Variants in KLHL25 observed in about 807,000 individuals in gnomAD.
KLHL25 encodes the protein kelch-like protein 25.
In KLHL25, 41 loss-of-function variants were observed where a neutral mutation model predicts 30.0. That is an observed-to-expected ratio of 1.37 (90% CI 1.07 to 1.78). KLHL25 has a LOEUF of 1.78. Among genes scored for constraint, KLHL25 ranks in the 40% most tolerant of loss-of-function variants. The pLI is 0.00. For synonymous variants in KLHL25, 399 were observed against 355.3 expected, an observed-to-expected ratio of 1.12 and a Z score of -1.38; for missense variants, 971 against 824.5, an observed-to-expected ratio of 1.18 and a Z score of -2.18.
chr15:85,769,647 C>G lies in KLHL25; in HGVS notation c.164G>C (p.Arg55Pro). Reference protein sequence around the residue: ...FTDVTLWAGDRAFPCHRAVLA... With the variant: ...FTDVTLWAGDPAFPCHRAVLA... ...CACGGCACGGTGACAGGGGAAGGCA[C>G]GGTCGCCCGCCCAGAGTGTGACGTC... The change falls in exon 2 of 3, where the codon CGT becomes CCT. Residue 55 changes from arginine (R) to proline (P), a missense_variant. Coordinates refer to ENST00000337975, the MANE Select transcript of KLHL25 (RefSeq NM_022480.4). 1 of 1,613,500 alleles carries G rather than the reference C, an allele frequency of 6.2e-7. No individual in the cohort carries two copies. Among genetic ancestry groups the G allele is most frequent in the Non-Finnish European group, 8.5e-7 (1 of 1,180,032 alleles).
intron 2 of KLHL25, 83 bp from the exon 3 acceptor site, chr15:85,761,094 A>T (rs1385550611): frequency 6.6e-6 from 1 of 152,300 alleles, no homozygotes; most frequent in Non-Finnish European, 1.5e-5. Context: ...AATGACAATG[A>T]CACAGCTGCC....
chr15:85,769,662 A>T lies in KLHL25; in HGVS notation c.149T>A (p.Leu50His). ...RKHCMFTDVT[L>H]WAGDRAFPCH... Reference sequence around the variant, plus strand: ...GGGGAAGGCACGGTCGCCCGCCCAGAGTGTGACGTCGGTGAACATGCAGTG... The same window carrying T: ...GGGGAAGGCACGGTCGCCCGCCCAGTGTGTGACGTCGGTGAACATGCAGTG... The change falls in exon 2 of 3, where the codon CTC (leucine) becomes CAC (histidine). Residue 50 changes from leucine (L) to histidine (H), a missense_variant. Leu to His is a moderately conservative substitution (Grantham distance 99, BLOSUM62 -3). Transcript: ENST00000337975. 6.2e-7 allele frequency: 1 copy of T among 1,613,716 alleles called. No homozygotes were observed. Among genetic ancestry groups the T allele is most frequent in the Non-Finnish European group, 8.5e-7 (1 of 1,180,014 alleles).
At chr15:85,774,106 G>A (rs370069439) in intron 1 of KLHL25, among the ~76,000 whole-genome samples, 1 of 152,184 alleles carries the variant, frequency 6.6e-6, no homozygotes, top group Non-Finnish European at 1.5e-5. Context: ...CCAGCGGCGG[G>A]GGGTGGGGAG....
chr15:85,769,572 C>T lies in KLHL25; in HGVS notation c.239G>A (p.Arg80Gln), dbSNP rs140968151. ...GTTGACAGTGTCATCCCGGCTCTCC[C>T]GAAGGCCATGGCTGAACATGGCCTC... Reference protein sequence around the residue: ...YFEAMFSHGLRESRDDTVNFQ... With the variant: ...YFEAMFSHGLQESRDDTVNFQ... The change falls in exon 2 of 3, where the codon CGG becomes CAG. Residue 80 changes from arginine (R) to glutamine (Q), a missense_variant. Coordinates refer to ENST00000337975, the MANE Select transcript of KLHL25 (RefSeq NM_022480.4). 2.1e-5 allele frequency: 34 copies of T among 1,613,646 alleles called. No homozygotes were observed. Among genetic ancestry groups the T allele is most frequent in the Admixed American group, 3.3e-5 (2 of 60,006 alleles).
intron 2 of KLHL25, chr15:85,761,775 G>A (rs2089584896): frequency 6.6e-6 from 1 of 152,292 alleles, no homozygotes; most frequent in Non-Finnish European, 1.5e-5. Context: ...GAGTGTTCAT[G>A]CACTCCATAA....
rs760604471 is a variant in KLHL25 at position 85,769,563 on chromosome 15, C to G, written c.248G>C (p.Arg83Pro). Reference sequence around the variant, plus strand: ...GTCCTGGAAGTTGACAGTGTCATCCCGGCTCTCCCGAAGGCCATGGCTGAA... The same window carrying G: ...GTCCTGGAAGTTGACAGTGTCATCCGGGCTCTCCCGAAGGCCATGGCTGAA... ...AMFSHGLRESRDDTVNFQDNL... is the reference protein window; with the variant it reads ...AMFSHGLRESPDDTVNFQDNL... The change falls in exon 2 of 3, where the codon CGG becomes CCG. Residue 83 changes from arginine (R) to proline (P), a missense_variant. By Grantham distance (103) the Arg-to-Pro change is moderately radical. Transcript: ENST00000337975. 6.2e-6 allele frequency: 10 copies of G among 1,613,666 alleles called. No individual in the cohort carries two copies. Among genetic ancestry groups the G allele is most frequent in the Admixed American group, 1.7e-5 (1 of 60,010 alleles).
chr15:85,789,197 A>T lies in KLHL25; in HGVS notation c.-11+5569T>A, dbSNP rs373674146. Among the ~76,000 whole-genome samples, 2 of 152,282 alleles carry T rather than the reference A, an allele frequency of 1.3e-5. No individual in the cohort carries two copies. The highest frequency in any genetic ancestry group is 1.9e-4 in the East Asian group (1 of 5,190). ...CTCCTCACCACTCGGCTGATGGTGG[A>T]AGGCTCCTCCTGGCAGAGATGGGTG... On this transcript the variant is annotated intron_variant, in intron 1 of 2. Coordinates refer to ENST00000337975, the MANE Select transcript of KLHL25 (RefSeq NM_022480.4). This position sits in a 1 kb window ranked among gnomAD's most constrained non-coding sequence, Gnocchi z 4.1.
intron 1 of KLHL25, among the ~76,000 whole-genome samples, chr15:85,778,260 A>T (rs1160326838): frequency 6.6e-6 from 1 of 152,174 alleles, no homozygotes; most frequent in African/African-American, 2.4e-5. Flanking sequence ...GACACACAGC[A>T]CTTCTATTCA....
chr15:85,774,491 T>C (rs2089697170), intron 1 of KLHL25, among the ~76,000 whole-genome samples: 1 of 152,156 alleles, frequency 6.6e-6, no homozygotes, highest in Non-Finnish European at 1.5e-5. Context: ...GGTGAGACTT[T>C]CTGAAGAAAA....
rs148091320 is a variant in KLHL25 at position 85,769,536 on chromosome 15, T to C, written c.275A>G (p.Asn92Ser). The change falls in exon 2 of 3, where the codon AAC (asparagine) becomes AGC (serine). Residue 92 changes from asparagine (N) to serine (S), a missense_variant. Transcript: ENST00000337975. ...CAGCTCCAGCACCTCCGGGTGCAGG[T>C]TGTCCTGGAAGTTGACAGTGTCATC... ...SRDDTVNFQD[N>S]LHPEVLELLL... The C allele has an allele frequency of 6.1e-5, 98 of 1,613,782 alleles. No individual in the cohort carries two copies. In the African/African-American group the frequency reaches 6.9e-4, roughly 11 times the overall value.
At chr15:85,773,523 C>G (rs2089690445) in intron 1 of KLHL25, among the ~76,000 whole-genome samples, 1 of 152,242 alleles carries the variant, frequency 6.6e-6, no homozygotes, top group South Asian at 2.1e-4. Flanking sequence ...CGGGTGGCAT[C>G]CCGGGGTGGG....
intron 1 of KLHL25, among the ~76,000 whole-genome samples, chr15:85,787,194 C>T (rs948520080): frequency 4.3e-5 from 6 of 140,976 alleles, no homozygotes; most frequent in Non-Finnish European, 9.0e-5. Flanking sequence ...CGCCTGTAAT[C>T]CCAGAACTTT....
rs202206308 is a variant in KLHL25 at position 85,768,500 on chromosome 15, G to A, written c.1311C>T (p.Ala437=). ...VAPLRDGVSN[A]AVVSAKLKLF... ...GCTTCAGCTTGGCACTCACCACTGC[G>A]GCATTGCTGACGCCATCCCGCAAGG... The change falls in exon 2 of 3, where the codon GCC becomes GCT. Residue 437 remains alanine (A), a synonymous_variant. Coordinates refer to ENST00000337975, the MANE Select transcript of KLHL25 (RefSeq NM_022480.4). 82 of 1,613,732 alleles carry A rather than the reference G, an allele frequency of 5.1e-5. No individual in the cohort carries two copies. The highest frequency in any genetic ancestry group is 1.1e-4 in the East Asian group (5 of 44,874).
chr15:85,778,822 C>G (rs181707000), intron 1 of KLHL25, among the ~76,000 whole-genome samples: 6 of 152,312 alleles, frequency 3.9e-5, no homozygotes, highest in African/African-American at 1.4e-4. Context: ...CCTTCTCCAC[C>G]AGCTTCTGTG....
chr15:85,781,674 G>C (rs1328928781), intron 1 of KLHL25, among the ~76,000 whole-genome samples: 1 of 152,030 alleles, frequency 6.6e-6, no homozygotes, highest in African/African-American at 2.4e-5. Context: ...AGTAGAGACG[G>C]GGTTTCACCA....
intron 1 of KLHL25, among the ~76,000 whole-genome samples, chr15:85,776,529 T>C (rs2089710370): frequency 6.6e-6 from 1 of 152,182 alleles, no homozygotes; most frequent in South Asian, 2.1e-4. Context: ...TGCATATTTA[T>C]TCAATATTGT....
chr15:85,768,532 C>G lies in KLHL25; in HGVS notation c.1279G>C (p.Val427Leu). ...YDPGANKWMM[V>L]APLRDGVSNA... Reference sequence around the variant, plus strand: ...CTGACGCCATCCCGCAAGGGGGCCACCATCATCCACTTGTTGGCCCCAGGG... The same window carrying G: ...CTGACGCCATCCCGCAAGGGGGCCAGCATCATCCACTTGTTGGCCCCAGGG... The change falls in exon 2 of 3, where the codon GTG (valine) becomes CTG (leucine). Residue 427 changes from valine (V) to leucine (L), a missense_variant. By Grantham distance (32) the Val-to-Leu change is conservative. Coordinates refer to ENST00000337975, the MANE Select transcript of KLHL25 (RefSeq NM_022480.4). The G allele has an allele frequency of 6.2e-7, 1 of 1,613,684 alleles. No homozygotes were observed. Among genetic ancestry groups the G allele is most frequent in the Non-Finnish European group, 8.5e-7 (1 of 1,179,870 alleles).
At chr15:85,776,447 C>A (rs1256801613) in intron 1 of KLHL25, among the ~76,000 whole-genome samples, 1 of 152,034 alleles carries the variant, frequency 6.6e-6, no homozygotes, top group African/African-American at 2.4e-5. Context: ...CAAGATCGTG[C>A]CACTGCACTC....
At position 85,769,830 on chromosome 15, in the gene KLHL25, G is replaced by A. The variant is rs367623885; in HGVS notation, c.-10-10C>T. 32 of 1,590,070 alleles carry A rather than the reference G, an allele frequency of 2.0e-5. No homozygotes were observed. Among genetic ancestry groups the A allele is most frequent in the Middle Eastern group, 3.3e-4 (2 of 6,032 alleles). ...CGACATGGTGCGTCAGCTTGTGGGGGAACAAGCCCACAGGTTAGAGGAGCC... is the reference window on the plus strand; with the variant it reads ...CGACATGGTGCGTCAGCTTGTGGGGAAACAAGCCCACAGGTTAGAGGAGCC... On this transcript the variant is annotated splice_polypyrimidine_tract_variant and intron_variant, in intron 1 of 2. Coordinates refer to ENST00000337975, the MANE Select transcript of KLHL25 (RefSeq NM_022480.4).
Sources: allele counts gnomAD v4.1 joint callset (sites outside exome capture counted in the v4.1 genomes callset), GRCh38; gene constraint gnomAD v4.1.1; non-coding constraint Gnocchi (gnomAD v3.1); transcripts MANE v1.5; gene names NCBI Gene and HGNC (gene_info 2026-07-23, HGNC 2026-07-21).